The following IFNL1 variants were observed in gnomAD, a reference collection of about 807,000 sequenced individuals.
IFNL1 encodes the protein interferon lambda 1.
Under a neutral mutation model 17.1 loss-of-function variants are expected in IFNL1, and 16 were observed. The observed-to-expected ratio is 0.93, with a 90% CI of 0.63 to 1.42. The LOEUF is 1.42. IFNL1 is among the 40% of genes most tolerant of loss of function. The probability of loss-of-function intolerance (pLI) is 0.00; values close to 1 mark genes in which losing one functional copy is unlikely to be tolerated. For synonymous variants in IFNL1, 104 were observed against 111.4 expected (o/e 0.93, Z 0.42); for missense variants, 262 against 249.4 (o/e 1.05, Z -0.34).
chr19:39,296,438 C>T lies in IFNL1; in HGVS notation c.17C>T (p.Thr6Ile). Residue 6 changes from threonine to isoleucine, a missense_variant, in exon 1 of 5, where the codon ACC becomes ATC. Coordinates refer to ENST00000333625, the MANE Select transcript of IFNL1 (RefSeq NM_172140.2). ...GATTTAGCCATGGCTGCAGCTTGGA[C>T]CGTGGTGCTGGTGACTTTGGTGCTA... MAAAWTVVLVTLVLGL... is the reference protein window; with the variant it reads MAAAWIVVLVTLVLGL... 1 of 1,611,240 alleles carries T rather than the reference C, an allele frequency of 6.2e-7. No homozygotes were observed.
In IFNL1 at chr19:39,297,964, G is replaced by A; in HGVS notation, c.250G>A (p.Val84Met). ...CCTGCTCTTTCTCACCTCTCCTCAG[G>A]TGAGGGAGCGCCCTGTGGCCTTGGA... Reference protein sequence around the residue: ...PGNWDLRLLQVRERPVALEAE... With the variant: ...PGNWDLRLLQMRERPVALEAE... The change falls in exon 3 of 5, where the codon GTG becomes ATG. Residue 84 changes from valine (V) to methionine (M), a missense_variant and splice_region_variant. Transcript: ENST00000333625. The A allele has an allele frequency of 6.2e-7, 1 of 1,614,128 alleles. No individual in the cohort carries two copies. Among genetic ancestry groups the A allele is most frequent in the Non-Finnish European group, 8.5e-7 (1 of 1,180,030 alleles).
At position 39,298,113 on chromosome 19, in the gene IFNL1, T is replaced by TC; in HGVS notation, c.393+8dup. The TC allele has an allele frequency of 6.2e-7, 1 of 1,613,064 alleles. No homozygotes were observed. The highest frequency in any genetic ancestry group is 8.5e-7 in the Non-Finnish European group (1 of 1,179,242). ...TCTCCCAGCTCCAGGCCTGTGTGAG[T>TC]CCTTGGGGCCCGGGCACCCAGGTCT... On this transcript the variant is annotated splice_region_variant and intron_variant, in intron 3 of 4. Transcript: ENST00000333625.
chr19:39,298,041 C>A lies in IFNL1; in HGVS notation c.327C>A (p.Ala109=). The change falls in exon 3 of 5, where the codon GCC becomes GCA. Residue 109 remains alanine (A), a synonymous_variant. Transcript: ENST00000333625. ...TCCTGGAGGCCGCTGCTGGCCCAGC[C>A]CTGGAGGACGTCCTAGACCAGCCCC... ...LKVLEAAAGP[A]LEDVLDQPLH... is the part of the protein sequence containing the mutation. 6.2e-7 allele frequency: 1 copy of A among 1,614,208 alleles called. No homozygotes were observed. Among genetic ancestry groups the A allele is most frequent in the Non-Finnish European group, 8.5e-7 (1 of 1,180,036 alleles).
At position 39,298,644 on chromosome 19, in the gene IFNL1, T is replaced by C. The variant is rs2075108456; in HGVS notation, c.*128T>C. ...AGTTTATTGTTTTACTTTTATACAT[T>C]ATGCACAAATAAACAACAAGGAATT... On this transcript the variant is annotated 3_prime_UTR_variant, in exon 5 of 5. Transcript: ENST00000333625. 2 of 1,143,664 alleles carry C rather than the reference T, an allele frequency of 1.7e-6. No homozygotes were observed. The highest frequency in any genetic ancestry group is 3.1e-5 in the African/African-American group (2 of 64,034). 70.8% of individuals were successfully genotyped at this position (1,143,664 alleles called of 1,614,324 possible).
chr19:39,297,408 T>A (rs944128891), intron 2 of IFNL1, among the ~76,000 whole-genome samples: 7 of 139,998 alleles, frequency 5.0e-5, no homozygotes, highest in Admixed American at 2.4e-4. Context: ...AACCTCTGCC[T>A]CCCGGGTTCA....
At position 39,298,492 on chromosome 19, in the gene IFNL1, G is replaced by A. The variant is rs139248079; in HGVS notation, c.579G>A (p.Thr193=). The A allele has an allele frequency of 5.3e-5, 85 of 1,614,140 alleles. No individual in the cohort carries two copies. In the African/African-American group the frequency reaches 6.5e-4, roughly 12 times the overall value. Residue 193 remains threonine (T), a synonymous_variant, in exon 5 of 5, where the codon ACG becomes ACA. Coordinates refer to ENST00000333625, the MANE Select transcript of IFNL1 (RefSeq NM_172140.2). Reference sequence around the variant, plus strand: ...CCGATGGGAACCTGTGTCTGAGAACGTCAACCCACCCTGAGTCCACCTGAC... The same window carrying A: ...CCGATGGGAACCTGTGTCTGAGAACATCAACCCACCCTGAGTCCACCTGAC... ...YVADGNLCLR[T]STHPEST is the part of the protein sequence containing the mutation.
At chr19:39,297,719 A>C (rs2075104290) in intron 2 of IFNL1, among the ~76,000 whole-genome samples, 1 of 129,450 alleles carries the variant, frequency 7.7e-6, no homozygotes, top group African/African-American at 3.0e-5. Flanking sequence ...AACTTCTGTG[A>C]CCCCCGTAAG....
chr19:39,297,990 G>C lies in IFNL1; in HGVS notation c.276G>C (p.Glu92Asp). The change falls in exon 3 of 5, where the codon GAG (glutamate) becomes GAC (aspartate). Residue 92 changes from glutamate to aspartate, a missense_variant. Physicochemically the swap from Glu to Asp is conservative, Grantham distance 45. Coordinates refer to ENST00000333625, the MANE Select transcript of IFNL1 (RefSeq NM_172140.2). The stretch of plus-strand genomic sequence containing the variant: ...TGAGGGAGCGCCCTGTGGCCTTGGA[G>C]GCTGAGCTGGCCCTGACGCTGAAGG... ...LQVRERPVALEAELALTLKVL... is the reference protein window; with the variant it reads ...LQVRERPVALDAELALTLKVL... 1.2e-6 allele frequency: 2 copies of C among 1,614,188 alleles called. No individual in the cohort carries two copies. The highest frequency in any genetic ancestry group is 1.7e-6 in the Non-Finnish European group (2 of 1,180,034).
At chr19:39,297,286 T>C (rs1024638466) in intron 2 of IFNL1, among the ~76,000 whole-genome samples, 4 of 148,762 alleles carry the variant, frequency 2.7e-5, no homozygotes, top group Admixed American at 6.7e-5. Context: ...ATCCAGCTCA[T>C]GCTCCCCCCT....
chr19:39,297,540 G>A (rs1247423682), intron 2 of IFNL1, among the ~76,000 whole-genome samples: 2 of 151,748 alleles, frequency 1.3e-5, no homozygotes, highest in Non-Finnish European at 2.9e-5. Context: ...GCTTGGTCTC[G>A]AAATCCTGAC....
chr19:39,297,896 T>C (rs2075104954), intron 2 of IFNL1, 68 bp from the exon 3 acceptor site: 19 of 1,596,006 alleles, frequency 1.2e-5, no homozygotes, highest in Non-Finnish European at 1.5e-5. Context: ...CAGGACTGCC[T>C]ACCTGTCCCC....
chr19:39,298,096 C>T lies in IFNL1; in HGVS notation c.382C>T (p.Leu128Phe), dbSNP rs561686249. ...CACCCTGCACCACATCCTCTCCCAGCTCCAGGCCTGTGTGAGTCCTTGGGG... is the reference window on the plus strand; with the variant it reads ...CACCCTGCACCACATCCTCTCCCAGTTCCAGGCCTGTGTGAGTCCTTGGGG... ...LHTLHHILSQ[L>F]QACIQPQPTA... is the part of the protein sequence containing the mutation. The change falls in exon 3 of 5, where the codon CTC (leucine) becomes TTC (phenylalanine). Residue 128 changes from leucine (L) to phenylalanine (F), a missense_variant. By Grantham distance (22) the Leu-to-Phe change is conservative (BLOSUM62 0). Coordinates refer to ENST00000333625, the MANE Select transcript of IFNL1 (RefSeq NM_172140.2). The T allele has an allele frequency of 7.4e-6, 12 of 1,613,954 alleles. No individual in the cohort carries two copies. In the East Asian group the frequency reaches 1.1e-4, roughly 15 times the overall value.
At chr19:39,297,259 ATC>A (rs2075102116) in intron 2 of IFNL1, among the ~76,000 whole-genome samples, 1 of 142,138 alleles carries the variant, frequency 7.0e-6, no homozygotes, top group Non-Finnish European at 1.5e-5. Flanking sequence ...GTCCCTCATT[ATC>A]TCTCACTGAC....
chr19:39,298,357 G>C (rs1233885318), intron 4 of IFNL1, 34 bp from the exon 5 acceptor site: 2 of 1,614,100 alleles, frequency 1.2e-6, no homozygotes, highest in East Asian at 2.2e-5. Flanking sequence ...CCAGACCCTG[G>C]ACAGCCCCTG....
At chr19:39,297,846 C>A in intron 2 of IFNL1, 118 bp from the exon 3 acceptor site, 1 of 1,287,946 alleles carries the variant, frequency 7.8e-7, no homozygotes, top group Non-Finnish European at 1.1e-6. Flanking sequence ...CCAGACCCCT[C>A]ACCTGTCCCC....
At chr19:39,296,735 T>G (rs1374590008) in intron 1 of IFNL1, 70 bp from the exon 2 acceptor site, 1 of 1,523,854 alleles carries the variant, frequency 6.6e-7, no homozygotes, top group Admixed American at 1.7e-5. Context: ...TCAGGCCAAC[T>G]TCATCCTTGC....
At chr19:39,297,023 A>G (rs926467665) in intron 2 of IFNL1, 141 bp downstream of exon 2, 5 of 635,628 alleles carry the variant, frequency 7.9e-6, no homozygotes, top group Admixed American at 5.7e-5. Context: ...CTGCCACTTC[A>G]AAACTGCTCT....
At position 39,296,746 on chromosome 19, in the gene IFNL1, T is replaced by C. The variant is rs2075100417; in HGVS notation, c.172-59T>C. 5 of 1,533,698 alleles carry C rather than the reference T, an allele frequency of 3.3e-6. No homozygotes were observed. The South Asian group carries it at 4.5e-5, about 14-fold the overall frequency. On this transcript the variant is annotated intron_variant, in intron 1 of 4. Transcript: ENST00000333625. ...GCTGTCAGGCCAACTTCATCCTTGCTGCTATGAGCTAGCTTCCAGCCATCC... is the reference window on the plus strand; with the variant it reads ...GCTGTCAGGCCAACTTCATCCTTGCCGCTATGAGCTAGCTTCCAGCCATCC...
At position 39,298,447 on chromosome 19, in the gene IFNL1, G is replaced by C. The variant is rs776093081; in HGVS notation, c.534G>C (p.Thr178=). ...SVTFNLFRLL[T]RDLKYVADGN... ...CCTTCAACCTCTTCCGCCTCCTCAC[G>C]CGAGACCTCAAATATGTGGCCGATG... The change falls in exon 5 of 5, where the codon ACG becomes ACC. Residue 178 remains threonine (T), a synonymous_variant. Coordinates refer to ENST00000333625, the MANE Select transcript of IFNL1 (RefSeq NM_172140.2). 1 of 1,614,130 alleles carries C rather than the reference G, an allele frequency of 6.2e-7. No individual in the cohort carries two copies. The highest frequency in any genetic ancestry group is 1.3e-5 in the African/African-American group (1 of 75,032).
Sources: gnomAD v4.1 joint callset for allele counts (sites outside exome capture counted in the v4.1 genomes callset) on GRCh38, gnomAD v4.1.1 for gene constraint, MANE v1.5 for transcripts, NCBI Gene and HGNC (gene_info 2026-07-23, HGNC 2026-07-21) for gene names.